DOCK5: variants seen among roughly 807,000 people sequenced by gnomAD.
The protein encoded by DOCK5 is dedicator of cytokinesis 5, also known as dedicator of cytokinesis protein 5.
In DOCK5, 142 loss-of-function variants were observed where a neutral mutation model predicts 251.8. The ratio of observed to expected loss-of-function variants is 0.56; its 90% CI spans 0.49 to 0.65. DOCK5 has a LOEUF of 0.65. DOCK5 is among the 30% of genes least tolerant of loss of function. The pLI is 0.00. For synonymous variants in DOCK5, 842 were observed against 835.5 expected, an observed-to-expected ratio of 1.01 and a Z score of -0.13; for missense variants, 2,111 against 2,312.3, an observed-to-expected ratio of 0.91 and a Z score of 1.79.
chr8:25,189,329 G>A (rs1311322690), intron 1 of DOCK5, among the ~76,000 whole-genome samples: 1 of 151,916 alleles, frequency 6.6e-6, no homozygotes, highest in Non-Finnish European at 1.5e-5. Context: ...ATGTTGCTAG[G>A]ATTACAGGGG....
chr8:25,304,108 A>AC (rs1804837833), intron 10 of DOCK5, 147 bp from the exon 11 acceptor site: 1 of 620,746 alleles, frequency 1.6e-6, no homozygotes, highest in Admixed American at 3.7e-5. Flanking sequence ...ACTGGGAATC[A>AC]CCATTGGCAA....
chr8:25,265,320 G>A lies in DOCK5; in HGVS notation c.128-3525G>A, dbSNP rs112766025. Among the ~76,000 whole-genome samples the A allele has an allele frequency of 5.0e-3, 761 of 150,740 alleles. 34 individuals are homozygous for A. Among genetic ancestry groups the A allele is most frequent in the African/African-American group, 0.018 (710 of 40,072 alleles). On this transcript the variant is annotated intron_variant, in intron 2 of 51. Transcript: ENST00000276440. ...AACCAGGCCTCCTCTAACTACCTTCGTATTGCCTCTCCCCATTTCAGTCTC... is the reference window on the plus strand; with the variant it reads ...AACCAGGCCTCCTCTAACTACCTTCATATTGCCTCTCCCCATTTCAGTCTC...
At chr8:25,262,186 A>G (rs74667327) in intron 2 of DOCK5, among the ~76,000 whole-genome samples, 6,266 of 152,238 alleles carry the variant, frequency 0.041, 414 homozygotes, top group African/African-American at 0.14. Flanking sequence ...AGAGAGTTCC[A>G]GTTGCTCCAT....
chr8:25,232,718 C>A (rs1441183903), intron 1 of DOCK5, among the ~76,000 whole-genome samples: 1 of 152,144 alleles, frequency 6.6e-6, no homozygotes, highest in Non-Finnish European at 1.5e-5. Flanking sequence ...AAGCCCACCT[C>A]CTAATACCTA....
At chr8:25,316,825 A>G (rs1805264284) in intron 13 of DOCK5, among the ~76,000 whole-genome samples, 182 bp from the exon 14 acceptor site, 1 of 152,240 alleles carries the variant, frequency 6.6e-6, no homozygotes, top group Admixed American at 6.5e-5. Context: ...CTTGGTATGC[A>G]TGGAAAGGTA....
chr8:25,377,194 C>T, intron 37 of DOCK5, 111 bp from the exon 38 acceptor site: 2 of 1,379,100 alleles, frequency 1.5e-6, no homozygotes, highest in Non-Finnish European at 1.9e-6. Flanking sequence ...GTGTTTAATA[C>T]ATAATCTAAA....
intron 27 of DOCK5, among the ~76,000 whole-genome samples, chr8:25,354,603 G>A (rs1447247954): frequency 6.6e-6 from 1 of 152,080 alleles, no homozygotes; most frequent in Non-Finnish European, 1.5e-5. Context: ...GCCAAAAGAA[G>A]CAAAGTGAAG....
intron 33 of DOCK5, 37 bp downstream of exon 33, chr8:25,368,762 A>G (rs369667436): frequency 1.3e-6 from 2 of 1,586,344 alleles, no homozygotes; most frequent in African/African-American, 1.3e-5. Context: ...TAGTAAATGG[A>G]CATATAGTCA....
intron 41 of DOCK5, 91 bp from the exon 42 acceptor site, chr8:25,390,115 T>C (rs1252770533): frequency 6.3e-6 from 7 of 1,110,664 alleles, no homozygotes; most frequent in Non-Finnish European, 8.9e-6. Flanking sequence ...GCTGGTGGCA[T>C]TTCCGGCTGT....
intron 1 of DOCK5, 31 bp downstream of exon 1, chr8:25,184,982 G>A (rs751062982): frequency 1.5e-6 from 2 of 1,342,142 alleles, no homozygotes; most frequent in Non-Finnish European, 9.6e-7. Context: ...GTCCCGGCCC[G>A]ACCCACGCGG....
chr8:25,315,802 C>T (rs1805232194), intron 13 of DOCK5, among the ~76,000 whole-genome samples: 1 of 152,094 alleles, frequency 6.6e-6, no homozygotes, highest in Admixed American at 6.5e-5. Context: ...GTGAATAAGC[C>T]CCTTTTTCTT....
chr8:25,192,698 C>T (rs950582532), intron 1 of DOCK5, among the ~76,000 whole-genome samples: 1 of 152,028 alleles, frequency 6.6e-6, no homozygotes, highest in Non-Finnish European at 1.5e-5. Context: ...TTTTCGTAGA[C>T]ACAGGGTTTC....
chr8:25,215,365 T>A (rs1410968301), intron 1 of DOCK5, among the ~76,000 whole-genome samples: 2 of 152,126 alleles, frequency 1.3e-5, no homozygotes, highest in African/African-American at 4.8e-5. Flanking sequence ...TTTTCTCCTC[T>A]GTCCTGGATC....
intron 40 of DOCK5, among the ~76,000 whole-genome samples, chr8:25,384,966 C>G (rs1362975875): frequency 2.0e-5 from 3 of 152,240 alleles, no homozygotes; most frequent in African/African-American, 7.2e-5. Context: ...AAAGACTTTC[C>G]AGGGATCCTC....
At chr8:25,386,334 G>A (rs770533207) in intron 40 of DOCK5, among the ~76,000 whole-genome samples, 1 of 152,192 alleles carries the variant, frequency 6.6e-6, no homozygotes, top group Non-Finnish European at 1.5e-5. Context: ...TGTAATCCCA[G>A]CACTGGTAGG....
At chr8:25,215,037 G>A (rs1802205100) in intron 1 of DOCK5, among the ~76,000 whole-genome samples, 1 of 152,178 alleles carries the variant, frequency 6.6e-6, no homozygotes, top group Non-Finnish European at 1.5e-5. Flanking sequence ...TGAAGGGTGA[G>A]ACATGATCTG....
intron 1 of DOCK5, among the ~76,000 whole-genome samples, chr8:25,204,130 C>A (rs997414916): frequency 1.3e-5 from 2 of 152,096 alleles, no homozygotes; most frequent in African/African-American, 4.8e-5. Context: ...TCTGAGAATT[C>A]TTTGCCAATT....
At chr8:25,383,350 G>A (rs549774900) in intron 40 of DOCK5, among the ~76,000 whole-genome samples, 8 of 152,222 alleles carry the variant, frequency 5.3e-5, no homozygotes, top group African/African-American at 1.9e-4. Context: ...TTGAAAACAA[G>A]CGATAAAGCA....
At chr8:25,354,120 G>C (rs1301838111) in intron 27 of DOCK5, among the ~76,000 whole-genome samples, 4 of 149,380 alleles carry the variant, frequency 2.7e-5, no homozygotes, top group Non-Finnish European at 5.9e-5. Flanking sequence ...TAAAAGTTGG[G>C]CATGTTTTAA....
Sources: allele counts gnomAD v4.1 joint callset (sites outside exome capture counted in the v4.1 genomes callset), GRCh38; gene constraint gnomAD v4.1.1; transcripts MANE v1.5; gene names NCBI Gene and HGNC (gene_info 2026-07-23, HGNC 2026-07-21).